The following SPRED1 variants were observed in gnomAD, a reference collection of about 807,000 sequenced individuals.
SPRED1 encodes sprouty related EVH1 domain containing 1, also known as sprouty-related, EVH1 domain-containing protein 1.
Under a neutral mutation model 52.3 loss-of-function variants are expected in SPRED1, and 18 were observed. The observed-to-expected ratio is 0.34, with a 90% CI of 0.24 to 0.51. SPRED1 has a LOEUF of 0.51. Among genes scored for constraint, SPRED1 ranks in the 20% least tolerant of loss-of-function variants. SPRED1 has a pLI of 0.97. For synonymous variants in SPRED1, 155 were observed against 179.7 expected, an observed-to-expected ratio of 0.86 and a Z score of 1.10; for missense variants, 485 against 551.0, an observed-to-expected ratio of 0.88 and a Z score of 1.20.
In SPRED1 at chr15:38,259,722, A is replaced by G. The variant is rs562863017; in HGVS notation, c.32+6505A>G. On this transcript the variant is annotated intron_variant, in intron 1 of 6. Coordinates refer to ENST00000299084, the MANE Select transcript of SPRED1 (RefSeq NM_152594.3). Reference sequence around the variant, plus strand: ...TTTTACTAGGTCACTTATACAAATCAGTAATGTAACACTAGGGGATAACTG... The same window carrying G: ...TTTTACTAGGTCACTTATACAAATCGGTAATGTAACACTAGGGGATAACTG... Among the ~76,000 whole-genome samples the G allele has an allele frequency of 7.2e-5, 11 of 152,300 alleles. No homozygotes were observed. In the South Asian group the frequency reaches 2.3e-3, roughly 32 times the overall value.
At chr15:38,299,214 T>C in intron 1 of SPRED1, 159 bp from the exon 2 acceptor site, 1 of 853,960 alleles carries the variant, frequency 1.2e-6, no homozygotes, top group Non-Finnish European at 2.0e-6. Flanking sequence ...TTTTGACCTC[T>C]TTCAAGTAGG....
chr15:38,321,277 A>G (rs1412548865), intron 2 of SPRED1, among the ~76,000 whole-genome samples: 1 of 152,212 alleles, frequency 6.6e-6, no homozygotes, highest in African/African-American at 2.4e-5. Context: ...TTTCTGTGTT[A>G]TTCTTGTTAC....
At chr15:38,260,487 C>G (rs1459442616) in intron 1 of SPRED1, among the ~76,000 whole-genome samples, 1 of 151,944 alleles carries the variant, frequency 6.6e-6, no homozygotes, top group Non-Finnish European at 1.5e-5. Context: ...CAACCCATAA[C>G]ACCAATAGAA....
At chr15:38,257,065 CATT>C (rs1456106994) in intron 1 of SPRED1, among the ~76,000 whole-genome samples, 2 of 152,144 alleles carry the variant, frequency 1.3e-5, no homozygotes, top group Non-Finnish European at 2.9e-5. Context: ...ATTTTAAACA[CATT>C]ATGATACCAT....
rs781390048 is a variant in SPRED1, at chr15:38,299,459, G to C, written c.119G>C (p.Ser40Thr). ...TTACCACTTGGAGGGAGTGGACTAA[G>C]CAGCGTCACTGTCTTCAAAGTCCCT... ...GWLPLGGSGL[S>T]SVTVFKVPHQ... Residue 40 changes from serine to threonine, a missense_variant, in exon 2 of 7, where the codon AGC becomes ACC. Coordinates refer to ENST00000299084, the MANE Select transcript of SPRED1 (RefSeq NM_152594.3). The C allele has an allele frequency of 6.2e-6, 10 of 1,614,020 alleles. No individual in the cohort carries two copies. Among genetic ancestry groups the C allele is most frequent in the Non-Finnish European group, 8.5e-6 (10 of 1,179,948 alleles).
At chr15:38,254,478 C>A (rs1449783847) in intron 1 of SPRED1, among the ~76,000 whole-genome samples, 2 of 151,860 alleles carry the variant, frequency 1.3e-5, no homozygotes, top group African/African-American at 4.8e-5. Flanking sequence ...TTTTGTGAAT[C>A]GCCCTCATTT....
At chr15:38,296,013 G>A (rs1159816155) in intron 1 of SPRED1, among the ~76,000 whole-genome samples, 2 of 152,118 alleles carry the variant, frequency 1.3e-5, no homozygotes, top group Non-Finnish European at 2.9e-5. Context: ...TGCAGTGTAT[G>A]GTTAGAGTCT....
intron 4 of SPRED1, among the ~76,000 whole-genome samples, chr15:38,331,409 T>G (rs990108660): frequency 6.6e-6 from 1 of 152,004 alleles, no homozygotes; most frequent in Non-Finnish European, 1.5e-5. Context: ...CATGTTTCCA[T>G]AGTAATTGTC....
intron 1 of SPRED1, among the ~76,000 whole-genome samples, chr15:38,285,855 A>G (rs1275016914): frequency 6.6e-6 from 1 of 152,224 alleles, no homozygotes; most frequent in Non-Finnish European, 1.5e-5. Flanking sequence ...AAACGAACAG[A>G]CACGTTAGAA....
At chr15:38,320,849 T>C (rs1483992691) in intron 2 of SPRED1, among the ~76,000 whole-genome samples, 2 of 152,182 alleles carry the variant, frequency 1.3e-5, no homozygotes, top group African/African-American at 4.8e-5. Context: ...ACAACTAACA[T>C]ATATTAAAAG....
chr15:38,322,764 G>A (rs1404125264), intron 3 of SPRED1, among the ~76,000 whole-genome samples: 1 of 152,146 alleles, frequency 6.6e-6, no homozygotes, highest in African/African-American at 2.4e-5. Context: ...TATGACACCA[G>A]TCACATCCTT....
intron 4 of SPRED1, among the ~76,000 whole-genome samples, chr15:38,327,975 C>T (rs571166271): frequency 6.6e-6 from 1 of 152,252 alleles, no homozygotes; most frequent in South Asian, 2.1e-4. Context: ...TTATTTCATT[C>T]ATGATGTTCT....
At chr15:38,303,488 A>G (rs1895189961) in intron 2 of SPRED1, among the ~76,000 whole-genome samples, 2 of 152,268 alleles carry the variant, frequency 1.3e-5, no homozygotes, top group African/African-American at 2.4e-5. Flanking sequence ...TTATTTGACC[A>G]TCTTTATCTG....
chr15:38,350,668 G>A (rs780312474), intron 6 of SPRED1, among the ~76,000 whole-genome samples: 1 of 152,126 alleles, frequency 6.6e-6, no homozygotes, highest in Non-Finnish European at 1.5e-5. Context: ...TCATGCAATA[G>A]TAGAGGTACA....
chr15:38,255,556 G>A (rs1194768595), intron 1 of SPRED1, among the ~76,000 whole-genome samples: 3 of 152,092 alleles, frequency 2.0e-5, no homozygotes, highest in Non-Finnish European at 4.4e-5. Flanking sequence ...AGTTTTACTA[G>A]AGCCAGCATT....
At chr15:38,287,597 T>A (rs892332359) in intron 1 of SPRED1, among the ~76,000 whole-genome samples, 1 of 152,194 alleles carries the variant, frequency 6.6e-6, no homozygotes, top group African/African-American at 2.4e-5. Context: ...TTCATATGTA[T>A]GTGTTTCACA....
At position 38,252,896 on chromosome 15, in the gene SPRED1, CT is replaced by C; in HGVS notation, c.-285del. ...TCCAGTCAGCCTTTGCAGCCCCTCTCTTTTTCCCTTTCCACCGGGCCTCCTC... is the reference window on the plus strand; with the variant it reads ...TCCAGTCAGCCTTTGCAGCCCCTCTCTTTTCCCTTTCCACCGGGCCTCCTC... On this transcript the variant is annotated 5_prime_UTR_variant, in exon 1 of 7. Transcript: ENST00000299084. 4 of 533,764 alleles carry C rather than the reference CT, an allele frequency of 7.5e-6. No individual in the cohort carries two copies. The highest frequency in any genetic ancestry group is 1.9e-5 in the African/African-American group (1 of 51,896). 33.1% of individuals were successfully genotyped at this position (533,764 alleles called of 1,614,324 possible).
chr15:38,286,213 C>A (rs1053640997), intron 1 of SPRED1, among the ~76,000 whole-genome samples: 11 of 136,986 alleles, frequency 8.0e-5, no homozygotes, highest in East Asian at 2.1e-4. Context: ...TCATGCCAAC[C>A]GCACTCCAGC....
intron 1 of SPRED1, among the ~76,000 whole-genome samples, chr15:38,277,504 T>C (rs922177896): frequency 1.3e-5 from 2 of 152,230 alleles, no homozygotes; most frequent in Non-Finnish European, 2.9e-5. Context: ...CCATGTTTTC[T>C]TTATCCAGTC....
Sources: gnomAD v4.1 joint callset for allele counts (sites outside exome capture counted in the v4.1 genomes callset) on GRCh38, gnomAD v4.1.1 for gene constraint, MANE v1.5 for transcripts, NCBI Gene and HGNC (gene_info 2026-07-23, HGNC 2026-07-21) for gene names.